The following VPS13A variants were observed in gnomAD, a reference collection of about 807,000 sequenced individuals.
VPS13A encodes the protein vacuolar protein sorting 13 homolog A.
A neutral mutation model predicts 390.9 loss-of-function variants in VPS13A; 264 were observed. The observed-to-expected ratio is 0.68, with a 90% CI of 0.61 to 0.75. The LOEUF (loss-of-function observed/expected upper bound fraction) is 0.75, where lower values mean the gene tolerates loss of function less well. Among genes scored for constraint, VPS13A ranks in the 30% least tolerant of loss-of-function variants. VPS13A has a pLI of 0.00. For missense variants in VPS13A, 3,409 were observed against 3,733.9 expected, an observed-to-expected ratio of 0.91 and a Z score of 2.27; for synonymous variants, 1,231 against 1,227.1, an observed-to-expected ratio of 1.00 and a Z score of -0.07.
At chr9:77,219,092 G>T (rs1236815058) in intron 10 of VPS13A, among the ~76,000 whole-genome samples, 2 of 152,106 alleles carry the variant, frequency 1.3e-5, no homozygotes, top group Non-Finnish European at 2.9e-5. Context: ...GCAGAGAAAG[G>T]TTGGAGGATC....
At chr9:77,210,155 A>ACCTC (rs1554860798) in intron 6 of VPS13A, among the ~76,000 whole-genome samples, 15 of 52,564 alleles carry the variant, frequency 2.9e-4, no homozygotes, top group Admixed American at 8.1e-4. Flanking sequence ...TCCTCCCCCC[A>ACCTC]CCTCCCTCTC....
At chr9:77,408,732 G>A (rs570664017) in intron 71 of VPS13A, among the ~76,000 whole-genome samples, 1 of 152,350 alleles carries the variant, frequency 6.6e-6, no homozygotes, top group Non-Finnish European at 1.5e-5. Flanking sequence ...GTGCAAGGCA[G>A]CAGAGAGGCT....
intron 68 of VPS13A, among the ~76,000 whole-genome samples, chr9:77,383,464 C>T (rs920023082): frequency 6.6e-6 from 1 of 152,102 alleles, no homozygotes. Context: ...CTACCCAATA[C>T]CTGCCTTCCC....
intron 19 of VPS13A, among the ~76,000 whole-genome samples, chr9:77,239,459 C>G (rs1454676387): frequency 6.6e-6 from 1 of 151,682 alleles, no homozygotes; most frequent in Non-Finnish European, 1.5e-5. Context: ...ATTATTTTTC[C>G]TCCTATAAAC....
intron 11 of VPS13A, 63 bp downstream of exon 11, chr9:77,220,144 T>G: frequency 6.5e-7 from 1 of 1,545,284 alleles, no homozygotes; most frequent in South Asian, 1.2e-5. Flanking sequence ...AAACTAAGAT[T>G]TTAAATGTTT....
chr9:77,301,974 C>T (rs1039051020), intron 33 of VPS13A, among the ~76,000 whole-genome samples: 5 of 148,632 alleles, frequency 3.4e-5, no homozygotes, highest in South Asian at 2.1e-4. Context: ...TTTTTTTTCC[C>T]GAGACAGTGT....
intron 68 of VPS13A, chr9:77,382,926 A>G (rs1833518702): frequency 1.0e-6 from 1 of 985,336 alleles, no homozygotes; most frequent in Non-Finnish European, 1.2e-6. Context: ...ACTAGTAATC[A>G]TATATAGGCT....
chr9:77,409,657 A>G (rs1334345727), intron 71 of VPS13A, among the ~76,000 whole-genome samples: 1 of 151,374 alleles, frequency 6.6e-6, no homozygotes, highest in African/African-American at 2.4e-5. Context: ...CGAATGCACA[A>G]GCCTCAGTAA....
chr9:77,400,504 CTG>C (rs906781570), intron 68 of VPS13A, among the ~76,000 whole-genome samples: 4 of 151,948 alleles, frequency 2.6e-5, no homozygotes, highest in Non-Finnish European at 4.4e-5. Context: ...TTTATGGACT[CTG>C]TTATATTTTG....
Position 77,382,085 on chromosome 9 carries a change from C to G in VPS13A, c.9187C>G (p.Gln3063Glu). 1 of 1,603,122 alleles carries G rather than the reference C, an allele frequency of 6.2e-7. No individual in the cohort carries two copies. The highest frequency in any genetic ancestry group is 8.5e-7 in the Non-Finnish European group (1 of 1,173,442). The change falls in exon 68 of 72, where the codon CAG (glutamine) becomes GAG (glutamate). Residue 3063 changes from glutamine (Q) to glutamate (E), a missense_variant and splice_region_variant. Gln to Glu is a conservative substitution (Grantham distance 29). This residue lies in a region of VPS13A where 318 missense variants were observed against 333.7 expected (regional missense o/e 0.95). Transcript: ENST00000360280. ...GGATGGGACTGGAAATCAAATGTTACAGGTAAATTAAGAGCTATCTTATAA... is the reference window on the plus strand; with the variant it reads ...GGATGGGACTGGAAATCAAATGTTAGAGGTAAATTAAGAGCTATCTTATAA... ...LRDGTGNQML[Q>E]VMENGRFAKY...
chr9:77,358,280 T>G, intron 56 of VPS13A, 77 bp from the exon 57 acceptor site: 1 of 1,295,716 alleles, frequency 7.7e-7, no homozygotes, highest in South Asian at 1.2e-5. Context: ...TGATTCTTTT[T>G]GTTCCTCAAA....
chr9:77,364,172 T>C (rs1405470678), intron 59 of VPS13A, among the ~76,000 whole-genome samples: 1 of 152,132 alleles, frequency 6.6e-6, no homozygotes, highest in African/African-American at 2.4e-5. Context: ...ACGCCTGTAA[T>C]CCCAGCACTT....
In VPS13A at chr9:77,357,719, A is replaced by G. The variant is rs1220401677; in HGVS notation, c.7834A>G (p.Met2612Val). 9 of 1,613,924 alleles carry G rather than the reference A, an allele frequency of 5.6e-6. No individual in the cohort carries two copies. The highest frequency in any genetic ancestry group is 5.1e-6 in the Non-Finnish European group (6 of 1,180,010). ...TCGCCTAACCCCTACTGGTCATAACATGAAAATTCTGCAGCCGCATGTAAT... is the reference window on the plus strand; with the variant it reads ...TCGCCTAACCCCTACTGGTCATAACGTGAAAATTCTGCAGCCGCATGTAAT... Reference protein sequence around the residue: ...PVRLTPTGHNMKILQPHVIAL... With the variant: ...PVRLTPTGHNVKILQPHVIAL... Residue 2612 changes from methionine (M) to valine (V), a missense_variant, in exon 56 of 72, where the codon ATG becomes GTG. Physicochemically the swap from Met to Val is conservative, Grantham distance 21. Coordinates refer to ENST00000360280, the MANE Select transcript of VPS13A (RefSeq NM_033305.3).
intron 22 of VPS13A, among the ~76,000 whole-genome samples, chr9:77,256,358 T>C (rs1395951887): frequency 2.0e-5 from 3 of 152,176 alleles, no homozygotes; most frequent in African/African-American, 7.2e-5. Flanking sequence ...GAAAAGATAC[T>C]TCTTATGATT....
intron 71 of VPS13A, among the ~76,000 whole-genome samples, chr9:77,414,740 T>TAAC (rs1395038021): frequency 1.2e-4 from 2 of 17,080 alleles, no homozygotes; most frequent in African/African-American, 4.0e-4. Context: ...GAAGTATAAT[T>TAAC]AATAATAATA....
chr9:77,333,025 G>T (rs1830358827), intron 46 of VPS13A, among the ~76,000 whole-genome samples: 1 of 152,118 alleles, frequency 6.6e-6, no homozygotes, highest in Admixed American at 6.5e-5. Flanking sequence ...CTGAGGGAAA[G>T]AATTGTATTG....
At chr9:77,355,618 A>T (rs1831731113) in intron 54 of VPS13A, among the ~76,000 whole-genome samples, 1 of 152,174 alleles carries the variant, frequency 6.6e-6, no homozygotes, top group Non-Finnish European at 1.5e-5. Flanking sequence ...TATCTAAGAG[A>T]CTTCTTAAAC....
chr9:77,180,547 G>C (rs1341824412), intron 1 of VPS13A, among the ~76,000 whole-genome samples: 1 of 152,090 alleles, frequency 6.6e-6, no homozygotes, highest in South Asian at 2.1e-4. Context: ...GTTCTCCTGT[G>C]TTTTCTTAAG....
intron 19 of VPS13A, among the ~76,000 whole-genome samples, chr9:77,241,953 T>C (rs1228884576): frequency 2.6e-5 from 4 of 152,168 alleles, no homozygotes; most frequent in Non-Finnish European, 5.9e-5. Context: ...TTTGAGTGAG[T>C]GTCCTTTAAG....
Sources: gnomAD v4.1 joint callset for allele counts (sites outside exome capture counted in the v4.1 genomes callset) on GRCh38, gnomAD v4.1.1 for gene constraint, gnomAD v4.1.1 regional missense constraint, MANE v1.5 for transcripts, NCBI Gene and HGNC (gene_info 2026-07-23, HGNC 2026-07-21) for gene names.